The following XKR6 variants were observed in gnomAD, a reference collection of about 807,000 sequenced individuals.
XKR6 encodes XK related 6.
XKR6 carries 22 observed loss-of-function variants against 56.7 expected under a neutral mutation model. That is an observed-to-expected ratio of 0.39 (90% CI 0.28 to 0.55). The LOEUF is 0.55. Among genes scored for constraint, XKR6 ranks in the 20% least tolerant of loss-of-function variants. XKR6 has a pLI of 0.66. For synonymous variants in XKR6, 524 were observed against 387.8 expected, an observed-to-expected ratio of 1.35 and a Z score of -4.13; for missense variants, 852 against 889.0, an observed-to-expected ratio of 0.96 and a Z score of 0.53.
At position 10,898,746 on chromosome 8, in the gene XKR6, A is replaced by G; in HGVS notation, c.1132T>C (p.Phe378Leu). 1 of 1,614,152 alleles carries G rather than the reference A, an allele frequency of 6.2e-7. No homozygotes were observed. Among genetic ancestry groups the G allele is most frequent in the Non-Finnish European group, 8.5e-7 (1 of 1,180,024 alleles). Reference protein sequence around the residue: ...ISSRVISFALFASIFQLYFGI... With the variant: ...ISSRVISFALLASIFQLYFGI... ...AAATAGAGCTGGAAGATGGAAGCAA[A>G]GAGGGCAAAAGAGATCACTCGGGAT... The change falls in exon 3 of 3, where the codon TTT (phenylalanine) becomes CTT (leucine). Residue 378 changes from phenylalanine (F) to leucine (L), a missense_variant. Phe to Leu is a conservative substitution (Grantham distance 22). Transcript: ENST00000416569. This position sits in a 1 kb window ranked among gnomAD's most constrained non-coding sequence, Gnocchi z 6.6.
chr8:11,063,092 G>C (rs1331769970), intron 1 of XKR6: 8 of 316,646 alleles, frequency 2.5e-5, no homozygotes, highest in African/African-American at 1.8e-4. Context: ...GCTGGGTGCA[G>C]TGGCTCATGG....
At chr8:11,079,313 G>C (rs1397113972) in intron 1 of XKR6, among the ~76,000 whole-genome samples, 1 of 152,192 alleles carries the variant, frequency 6.6e-6, no homozygotes, top group East Asian at 1.9e-4. Context: ...ACACATTTTG[G>C]CGCATTAAAG....
intron 1 of XKR6, among the ~76,000 whole-genome samples, chr8:11,080,216 C>T (rs1474160572): frequency 6.6e-6 from 1 of 151,836 alleles, no homozygotes; most frequent in Non-Finnish European, 1.5e-5. Flanking sequence ...AGAGAAAACC[C>T]TGGGCTCCCC....
At chr8:11,093,038 T>C (rs920446329) in intron 1 of XKR6, among the ~76,000 whole-genome samples, 7 of 124,182 alleles carry the variant, frequency 5.6e-5, no homozygotes, top group Non-Finnish European at 9.2e-5. Flanking sequence ...TCTTTTCTCT[T>C]TCTTTCTCTT....
At chr8:11,197,918 A>T (rs558127586) in intron 1 of XKR6, among the ~76,000 whole-genome samples, 29 of 152,356 alleles carry the variant, frequency 1.9e-4, no homozygotes, top group African/African-American at 7.0e-4. Flanking sequence ...AAAAAATGTA[A>T]AGAGACAAGT....
At chr8:11,103,374 A>G (rs960948283) in intron 1 of XKR6, among the ~76,000 whole-genome samples, 3 of 152,206 alleles carry the variant, frequency 2.0e-5, no homozygotes, top group African/African-American at 4.8e-5. Context: ...CCAGCCAGAG[A>G]CCAGCTGAAT....
chr8:11,131,821 C>A (rs1036148117), intron 1 of XKR6, among the ~76,000 whole-genome samples: 1 of 152,298 alleles, frequency 6.6e-6, no homozygotes, highest in South Asian at 2.1e-4. Flanking sequence ...AGTAGAGTAA[C>A]GTGCTATACA....
intron 1 of XKR6, among the ~76,000 whole-genome samples, chr8:10,992,287 T>TCACA (rs113725403): frequency 9.3e-5 from 14 of 149,792 alleles, no homozygotes; most frequent in East Asian, 3.9e-4. Flanking sequence ...TCTCTCTCTC[T>TCACA]CACACACACA....
chr8:11,061,014 T>C (rs1369198495), intron 1 of XKR6, among the ~76,000 whole-genome samples: 1 of 152,196 alleles, frequency 6.6e-6, no homozygotes, highest in Non-Finnish European at 1.5e-5. Flanking sequence ...GTCTAAAGCC[T>C]GTATTCTGAA....
chr8:10,932,218 C>A (rs1051670545), intron 1 of XKR6, among the ~76,000 whole-genome samples: 2 of 152,178 alleles, frequency 1.3e-5, no homozygotes, highest in African/African-American at 2.4e-5. Flanking sequence ...CAAGTGCTGT[C>A]ACGAATACAG....
At chr8:11,100,952 AG>A (rs1348727656) in intron 1 of XKR6, among the ~76,000 whole-genome samples, 1 of 152,198 alleles carries the variant, frequency 6.6e-6, no homozygotes, top group Non-Finnish European at 1.5e-5. Flanking sequence ...GGAAGTGGTT[AG>A]GAGACAGTTT....
intron 1 of XKR6, among the ~76,000 whole-genome samples, chr8:10,955,547 C>T (rs1000722615): frequency 4.0e-4 from 61 of 152,124 alleles, no homozygotes; most frequent in African/African-American, 1.4e-3. Flanking sequence ...CTAAGTGGGT[C>T]GTATGTATTA....
intron 1 of XKR6, among the ~76,000 whole-genome samples, chr8:11,004,536 G>A (rs1798322051): frequency 6.6e-6 from 1 of 152,092 alleles, no homozygotes; most frequent in African/African-American, 2.4e-5. Flanking sequence ...ATATTGACCA[G>A]GTGGTTTATT....
At chr8:11,018,586 G>C (rs558043247) in intron 1 of XKR6, among the ~76,000 whole-genome samples, 1 of 152,306 alleles carries the variant, frequency 6.6e-6, no homozygotes, top group African/African-American at 2.4e-5. Flanking sequence ...AGAAACTACA[G>C]GTAATACCAA....
intron 1 of XKR6, among the ~76,000 whole-genome samples, chr8:11,116,711 G>C (rs376520530): frequency 6.6e-6 from 1 of 152,152 alleles, no homozygotes; most frequent in East Asian, 1.9e-4. Flanking sequence ...AAGCAGCTGA[G>C]AGGTTTCATT....
At chr8:10,966,496 A>ACC (rs1484450395) in intron 1 of XKR6, among the ~76,000 whole-genome samples, 3 of 152,026 alleles carry the variant, frequency 2.0e-5, no homozygotes, top group African/African-American at 7.3e-5. Context: ...ACATGGTGAA[A>ACC]CCCCGTCTCT....
At chr8:11,020,667 G>T (rs1798730037) in intron 1 of XKR6, among the ~76,000 whole-genome samples, 1 of 152,182 alleles carries the variant, frequency 6.6e-6, no homozygotes, top group South Asian at 2.1e-4. Flanking sequence ...CAGCCAAGGA[G>T]GCCTTGATTG....
intron 1 of XKR6, among the ~76,000 whole-genome samples, chr8:11,060,449 G>A (rs1010234967): frequency 6.6e-6 from 1 of 152,146 alleles, no homozygotes; most frequent in Non-Finnish European, 1.5e-5. Context: ...GGCGCCACCC[G>A]CCGGGAACTA....
At chr8:11,007,944 G>C (rs1206440499) in intron 1 of XKR6, among the ~76,000 whole-genome samples, 1 of 152,158 alleles carries the variant, frequency 6.6e-6, no homozygotes, top group Non-Finnish European at 1.5e-5. Context: ...GGGCAGGGCA[G>C]AGCAGAGCAG....
Sources: allele counts gnomAD v4.1 joint callset (sites outside exome capture counted in the v4.1 genomes callset), GRCh38; gene constraint gnomAD v4.1.1; non-coding constraint Gnocchi (gnomAD v3.1); transcripts MANE v1.5; gene names NCBI Gene and HGNC (gene_info 2026-07-23, HGNC 2026-07-21).